SPTBN1: variants seen among roughly 807,000 people sequenced by gnomAD.
The protein encoded by SPTBN1 is spectrin beta, non-erythrocytic 1, also known as spectrin beta chain, non-erythrocytic 1.
Under a neutral mutation model 266.4 loss-of-function variants are expected in SPTBN1, and 32 were observed. The ratio of observed to expected loss-of-function variants is 0.12; its 90% CI spans 0.09 to 0.16. The LOEUF is 0.16. SPTBN1 is among the 10% of genes least tolerant of loss of function. The pLI is 1.00. For missense variants in SPTBN1, 2,296 were observed against 3,067.1 expected (o/e 0.75, Z 5.94); for synonymous variants, 1,336 against 1,162.2 (o/e 1.15, Z -3.04).
intron 2 of SPTBN1, chr2:54,529,258 A>C (rs1671042844): frequency 2.5e-6 from 1 of 406,232 alleles, no homozygotes; most frequent in Non-Finnish European, 4.7e-6. Context: ...AGACCACTTC[A>C]TCTGGACCGA....
chr2:54,522,755 G>A (rs78228582), intron 1 of SPTBN1, among the ~76,000 whole-genome samples: 12,521 of 149,914 alleles, frequency 0.084, 807 homozygotes, highest in African/African-American at 0.17. Flanking sequence ...AGCAGTTGTT[G>A]GTTCAGTGAT....
chr2:54,559,439 A>G lies in SPTBN1; in HGVS notation c.148+32873A>G, dbSNP rs114419950. Among the ~76,000 whole-genome samples, 509 of 152,324 alleles carry G rather than the reference A, an allele frequency of 3.3e-3. 1 individual carries two copies. The highest frequency in any genetic ancestry group is 0.012 in the African/African-American group (486 of 41,552). On this transcript the variant is annotated intron_variant, in intron 2 of 35. Transcript: ENST00000356805. ...AGCCTTCCCATCTATTTAGTGGGCTATATAATTTCTAATGAAAGCCGGTTA... is the reference window on the plus strand; with the variant it reads ...AGCCTTCCCATCTATTTAGTGGGCTGTATAATTTCTAATGAAAGCCGGTTA...
At chr2:54,591,289 C>T (rs1573482230) in intron 2 of SPTBN1, among the ~76,000 whole-genome samples, 1 of 152,296 alleles carries the variant, frequency 6.6e-6, no homozygotes, top group African/African-American at 2.4e-5. Context: ...GGGATATGTT[C>T]ATGGGATGAT....
chr2:54,472,931 T>G (rs1339309947), intron 1 of SPTBN1, among the ~76,000 whole-genome samples: 2 of 152,246 alleles, frequency 1.3e-5, no homozygotes, highest in African/African-American at 2.4e-5. Context: ...AAACCAAGTT[T>G]CTATACTAAA....
intron 4 of SPTBN1, among the ~76,000 whole-genome samples, chr2:54,613,229 C>T (rs1485656071): frequency 6.6e-6 from 1 of 152,208 alleles, no homozygotes; most frequent in African/African-American, 2.4e-5. Context: ...TCTCTGCGAA[C>T]AAATATTCTA....
At chr2:54,509,692 T>C (rs1172274777) in intron 1 of SPTBN1, among the ~76,000 whole-genome samples, 1 of 152,220 alleles carries the variant, frequency 6.6e-6, no homozygotes, top group Non-Finnish European at 1.5e-5. Flanking sequence ...AAGGCAGCTT[T>C]AGGGTTCACT....
At chr2:54,477,400 C>T (rs1478036072) in intron 1 of SPTBN1, among the ~76,000 whole-genome samples, 4 of 142,998 alleles carry the variant, frequency 2.8e-5, no homozygotes, top group Admixed American at 1.4e-4. Flanking sequence ...GTGGCATTAC[C>T]TTTTTTTTTT....
intron 2 of SPTBN1, among the ~76,000 whole-genome samples, chr2:54,563,190 C>T (rs1156842697): frequency 1.3e-5 from 2 of 152,112 alleles, no homozygotes; most frequent in African/African-American, 2.4e-5. Context: ...GTGAAATGCC[C>T]ACCCTAACCT....
At chr2:54,627,977 C>A (rs543996460) in intron 12 of SPTBN1, 120 bp from the exon 13 acceptor site, 3 of 1,191,786 alleles carry the variant, frequency 2.5e-6, no homozygotes, top group African/African-American at 1.5e-5. Context: ...GTGTGGGGTC[C>A]ATGGCAGACT....
Position 54,655,057 on chromosome 2 carries a change from T to C in SPTBN1, c.5823-13T>C. ...TTGATCTCCTAACGGAGGCATCGTT[T>C]GTCTAATTTTAGGGATGTATCATCT... On this transcript the variant is annotated splice_polypyrimidine_tract_variant and intron_variant, in intron 27 of 35. Transcript: ENST00000356805. 2 of 1,605,230 alleles carry C rather than the reference T, an allele frequency of 1.2e-6. No individual in the cohort carries two copies. Among genetic ancestry groups the C allele is most frequent in the South Asian group, 2.2e-5 (2 of 89,922 alleles).
Position 54,668,464 on chromosome 2 carries a change from C to G in SPTBN1, c.6990C>G (p.Pro2330=). The change falls in exon 36 of 36, where the codon CCC becomes CCG. Residue 2330 remains proline (P), a synonymous_variant. Coordinates refer to ENST00000356805, the MANE Select transcript of SPTBN1 (RefSeq NM_003128.3). ...TPASSRAQTL[P]TSVVTITSES... ...CATCCAGCCGCGCGCAGACCCTCCC[C>G]ACCAGCGTCGTCACCATCACCAGCG... 2 of 1,614,218 alleles carry G rather than the reference C, an allele frequency of 1.2e-6. No individual in the cohort carries two copies. The highest frequency in any genetic ancestry group is 1.6e-4 in the Middle Eastern group (1 of 6,062).
chr2:54,479,022 A>C (rs905467831), intron 1 of SPTBN1, among the ~76,000 whole-genome samples: 2 of 152,204 alleles, frequency 1.3e-5, no homozygotes, highest in Admixed American at 6.5e-5. Flanking sequence ...AAAAATAACA[A>C]ACAACTGAGT....
chr2:54,555,623 C>T (rs1372656613), intron 2 of SPTBN1, among the ~76,000 whole-genome samples: 1 of 152,158 alleles, frequency 6.6e-6, no homozygotes, highest in Non-Finnish European at 1.5e-5. Context: ...CTCTAGAGTC[C>T]AGCCCACACC....
chr2:54,477,890 G>A (rs934341454), intron 1 of SPTBN1, among the ~76,000 whole-genome samples: 1 of 151,080 alleles, frequency 6.6e-6, no homozygotes, highest in African/African-American at 2.5e-5. Context: ...CAGCCTGGGT[G>A]ACAGAGTAAG....
intron 1 of SPTBN1, among the ~76,000 whole-genome samples, chr2:54,511,937 G>A (rs1404319432): frequency 6.6e-6 from 1 of 152,134 alleles, no homozygotes. Flanking sequence ...CCCTGATCTT[G>A]TTTTCCTCCA....
chr2:54,522,697 G>GAGAGAGAGAGAA (rs1553439438), intron 1 of SPTBN1, among the ~76,000 whole-genome samples: 1 of 97,268 alleles, frequency 1.0e-5, no homozygotes, highest in Non-Finnish European at 2.1e-5. Context: ...GAGAGAGAGA[G>GAGAGAGAGAGAA]AGAAAGAAAG....
At chr2:54,482,538 AAT>A (rs1668153386) in intron 1 of SPTBN1, among the ~76,000 whole-genome samples, 1 of 152,070 alleles carries the variant, frequency 6.6e-6, no homozygotes. Flanking sequence ...CTCCCCTCAA[AAT>A]TATGTCTCTG....
In SPTBN1 at chr2:54,668,364, C is replaced by T; in HGVS notation, c.6890C>T (p.Thr2297Ile). Residue 2297 changes from threonine (T) to isoleucine (I), a missense_variant, in exon 36 of 36, where the codon ACA becomes ATA. Thr to Ile is a moderately conservative substitution (Grantham distance 89, BLOSUM62 -1). Coordinates refer to ENST00000356805, the MANE Select transcript of SPTBN1 (RefSeq NM_003128.3). ...FQAKDDEEMN[T>I]WIQAISSAIS... The stretch of plus-strand genomic sequence containing the variant: ...TCCTCTGTCCAGGAGGAAATGAACA[C>T]ATGGATCCAGGCTATCTCTTCCGCC... 6.2e-7 allele frequency: 1 copy of T among 1,614,172 alleles called. No homozygotes were observed. The highest frequency in any genetic ancestry group is 8.5e-7 in the Non-Finnish European group (1 of 1,180,034).
At chr2:54,597,062 G>T (rs1676139104) in intron 2 of SPTBN1, among the ~76,000 whole-genome samples, 1 of 152,150 alleles carries the variant, frequency 6.6e-6, no homozygotes, top group South Asian at 2.1e-4. Flanking sequence ...TTTAATCCAA[G>T]CAGGTTTTCA....
Sources: gnomAD v4.1 joint callset for allele counts (sites outside exome capture counted in the v4.1 genomes callset) on GRCh38, gnomAD v4.1.1 for gene constraint, MANE v1.5 for transcripts, NCBI Gene and HGNC (gene_info 2026-07-23, HGNC 2026-07-21) for gene names.